NTM: variants seen among roughly 807,000 people sequenced by gnomAD.
The protein encoded by NTM is IgLON family member 2.
A neutral mutation model predicts 42.1 loss-of-function variants in NTM; 13 were observed. The observed-to-expected ratio is 0.31, with a 90% CI of 0.20 to 0.49. The LOEUF (loss-of-function observed/expected upper bound fraction) is 0.49, where lower values mean the gene tolerates loss of function less well. Among genes scored for constraint, NTM ranks in the 20% least tolerant of loss-of-function variants. The pLI is 0.99. For missense variants in NTM, 373 were observed against 452.8 expected (o/e 0.82, Z 1.60); for synonymous variants, 187 against 179.2 (o/e 1.04, Z -0.35).
chr11:132,235,045 C>T (rs753322133), intron 4 of NTM, among the ~76,000 whole-genome samples: 3 of 152,190 alleles, frequency 2.0e-5, no homozygotes, highest in East Asian at 1.9e-4. Context: ...TGATGCAGAG[C>T]GCTCCATATG....
chr11:132,108,737 G>T (rs531512786), intron 2 of NTM, among the ~76,000 whole-genome samples: 1 of 151,964 alleles, frequency 6.6e-6, no homozygotes, highest in Non-Finnish European at 1.5e-5. Context: ...TAAGTTCTGG[G>T]GTACATATGC....
chr11:131,789,947 C>T (rs1174411107), intron 1 of NTM, among the ~76,000 whole-genome samples: 62 of 113,348 alleles, frequency 5.5e-4, no homozygotes, highest in African/African-American at 2.2e-3. Flanking sequence ...CAGAGCGAGA[C>T]TCCGTCTCAA....
chr11:132,120,969 A>G (rs1192144257), intron 2 of NTM, among the ~76,000 whole-genome samples: 1 of 152,178 alleles, frequency 6.6e-6, no homozygotes, highest in Non-Finnish European at 1.5e-5. Context: ...TGATTTTTCC[A>G]TGATCTAATA....
intron 3 of NTM, among the ~76,000 whole-genome samples, chr11:132,160,146 C>A (rs1054086943): frequency 6.6e-6 from 1 of 152,234 alleles, no homozygotes; most frequent in African/African-American, 2.4e-5. Flanking sequence ...GCAGCCATTC[C>A]TTTGCCCTCT....
chr11:132,320,940 C>A (rs55939334), intron 7 of NTM, among the ~76,000 whole-genome samples: 16,515 of 149,760 alleles, frequency 0.11, 1,310 homozygotes, highest in Non-Finnish European at 0.17. Context: ...CTGCAGGGTA[C>A]TCCAACAGAC....
rs1423717046 is a variant in NTM, at chr11:132,080,654, A to T, written c.168-65628A>T. ...CTGGGAAGCCCTTTAAGCTTCAATG[A>T]CCTGTTCTGTATGAGTGCTGGACAG... On this transcript the variant is annotated intron_variant, in intron 2 of 8. Transcript: ENST00000683400. 7.2e-5 allele frequency among the ~76,000 whole-genome samples: 11 copies of T among 152,246 alleles called. 1 individual carries two copies. The Middle Eastern group carries it at 0.017, about 235-fold the overall frequency.
chr11:131,534,909 A>AT (rs2051910774), intron 1 of NTM: 1 of 152,206 alleles, frequency 6.6e-6, no homozygotes. Context: ...TGCAGCACAA[A>AT]TCCCTGTATT....
intron 1 of NTM, among the ~76,000 whole-genome samples, chr11:131,713,070 G>A (rs1337185433): frequency 6.6e-6 from 1 of 152,090 alleles, no homozygotes; most frequent in Non-Finnish European, 1.5e-5. Context: ...CTCACCCTCT[G>A]CTGCTGCCAG....
intron 3 of NTM, among the ~76,000 whole-genome samples, chr11:132,198,350 G>A (rs899428049): frequency 3.3e-5 from 5 of 152,064 alleles, no homozygotes; most frequent in Non-Finnish European, 7.4e-5. Flanking sequence ...GATCATGCCA[G>A]CATAAACAGC....
At chr11:131,552,015 C>T (rs993651134) in intron 1 of NTM, among the ~76,000 whole-genome samples, 2 of 152,088 alleles carry the variant, frequency 1.3e-5, no homozygotes, top group Admixed American at 1.3e-4. Context: ...AAAAGATCTA[C>T]ATGTGCATTT....
intron 1 of NTM, among the ~76,000 whole-genome samples, chr11:131,486,135 G>T (rs938470309): frequency 1.3e-5 from 2 of 152,122 alleles, no homozygotes; most frequent in African/African-American, 4.8e-5. Flanking sequence ...CTTGGCAAGG[G>T]TTTAGTGTTT....
At chr11:131,544,316 C>T (rs2053644585) in intron 1 of NTM, among the ~76,000 whole-genome samples, 2 of 152,176 alleles carry the variant, frequency 1.3e-5, no homozygotes, top group South Asian at 4.1e-4. Flanking sequence ...GGGTGAGTCT[C>T]CCTTCGTCCT....
intron 2 of NTM, among the ~76,000 whole-genome samples, chr11:131,948,264 C>T (rs1423181211): frequency 6.6e-6 from 1 of 151,654 alleles, no homozygotes; most frequent in African/African-American, 2.4e-5. Context: ...ACTTGGGAGG[C>T]TGAGGCAGGA....
chr11:131,881,929 C>T (rs1337233475), intron 1 of NTM, among the ~76,000 whole-genome samples: 1 of 152,172 alleles, frequency 6.6e-6, no homozygotes, highest in Non-Finnish European at 1.5e-5. Flanking sequence ...GTGTGCTGTG[C>T]CCATCTCCCT....
At chr11:132,167,942 T>C (rs1474155309) in intron 3 of NTM, among the ~76,000 whole-genome samples, 1 of 152,212 alleles carries the variant, frequency 6.6e-6, no homozygotes, top group Non-Finnish European at 1.5e-5. Flanking sequence ...GAAAAACGAC[T>C]AACTGGAAAT....
At chr11:131,894,265 T>A (rs1443274491) in intron 1 of NTM, among the ~76,000 whole-genome samples, 1 of 152,184 alleles carries the variant, frequency 6.6e-6, no homozygotes, top group African/African-American at 2.4e-5. Context: ...TCTCCATGTG[T>A]TCAGGCTTGG....
chr11:131,970,165 C>G (rs767451540), intron 2 of NTM, among the ~76,000 whole-genome samples: 10 of 152,148 alleles, frequency 6.6e-5, no homozygotes, highest in Non-Finnish European at 1.2e-4. Flanking sequence ...TCACCTGCAC[C>G]CTGTCACAAC....
chr11:131,708,979 G>A (rs2135269086), intron 1 of NTM, among the ~76,000 whole-genome samples: 1 of 152,342 alleles, frequency 6.6e-6, no homozygotes, highest in South Asian at 2.1e-4. Context: ...CTTGGAAGGT[G>A]TCCTTTGAAC....
chr11:132,097,015 G>T (rs2061085666), intron 2 of NTM, among the ~76,000 whole-genome samples: 1 of 152,146 alleles, frequency 6.6e-6, no homozygotes, highest in Non-Finnish European at 1.5e-5. Flanking sequence ...ATGACCAAGG[G>T]TTACTAACCC....
Sources: allele counts gnomAD v4.1 joint callset (sites outside exome capture counted in the v4.1 genomes callset), GRCh38; gene constraint gnomAD v4.1.1; transcripts MANE v1.5; gene names NCBI Gene and HGNC (gene_info 2026-07-23, HGNC 2026-07-21).